The following EPHA6 variants were observed in gnomAD, a reference collection of about 807,000 sequenced individuals.
The protein encoded by EPHA6 is ephrin type-A receptor 6.
Under a neutral mutation model 112.0 loss-of-function variants are expected in EPHA6, and 50 were observed. The observed-to-expected ratio is 0.45, with a 90% confidence interval of 0.36 to 0.56. The LOEUF (loss-of-function observed/expected upper bound fraction) is 0.56, where lower values mean the gene tolerates loss of function less well. Ranked by LOEUF, EPHA6 falls within the 20% of genes least tolerant of loss-of-function variation. The pLI is 0.00. For synonymous variants in EPHA6, 529 were observed against 490.7 expected (o/e 1.08, Z -1.03); for missense variants, 1,280 against 1,417.4 (o/e 0.90, Z 1.56).
At chr3:97,221,207 G>A (rs1215827715) in intron 3 of EPHA6, among the ~76,000 whole-genome samples, 1 of 150,356 alleles carries the variant, frequency 6.7e-6, no homozygotes, top group Non-Finnish European at 1.5e-5. Flanking sequence ...CAACTCGGGA[G>A]GCTGAGACAG....
At chr3:96,925,686 A>G (rs2039999447) in intron 2 of EPHA6, among the ~76,000 whole-genome samples, 1 of 151,116 alleles carries the variant, frequency 6.6e-6, no homozygotes, top group African/African-American at 2.4e-5. Context: ...GCTCACTGCA[A>G]CTTCTGCCTC....
intron 13 of EPHA6, among the ~76,000 whole-genome samples, chr3:97,628,299 G>C (rs1017675152): frequency 6.6e-6 from 1 of 151,880 alleles, no homozygotes; most frequent in Non-Finnish European, 1.5e-5. Context: ...AAAAGAAAGA[G>C]AAAATCAAGG....
intron 4 of EPHA6, among the ~76,000 whole-genome samples, chr3:97,227,338 A>T (rs576841545): frequency 6.6e-6 from 1 of 151,658 alleles, no homozygotes; most frequent in East Asian, 2.0e-4. Flanking sequence ...CTCCTGCCTC[A>T]GCTTCCTGAG....
rs181799935 is a variant in EPHA6 at position 97,146,299 on chromosome 3, A to G, written c.1115-79965A>G. ...TTTTCTCTGTAGTTTACCTGCACTC[A>G]TTAATTAAATGTGAATGTTTCTGAG... is the stretch of plus-strand genomic sequence containing the variant. On this transcript the variant is annotated intron_variant, in intron 3 of 17. Transcript: ENST00000389672. 4.6e-5 allele frequency among the ~76,000 whole-genome samples: 7 copies of G among 151,926 alleles called. No homozygotes were observed. In the East Asian group the frequency reaches 1.2e-3, roughly 25 times the overall value.
At chr3:97,583,407 T>G (rs2093458191) in intron 11 of EPHA6, among the ~76,000 whole-genome samples, 1 of 151,410 alleles carries the variant, frequency 6.6e-6, no homozygotes, top group Non-Finnish European at 1.5e-5. Flanking sequence ...AGCGTGGTGG[T>G]GGGCGCCTGT....
At chr3:96,902,874 T>A (rs1255058158) in intron 2 of EPHA6, among the ~76,000 whole-genome samples, 1 of 152,144 alleles carries the variant, frequency 6.6e-6, no homozygotes, top group East Asian at 1.9e-4. Flanking sequence ...ATTGAGTATT[T>A]ACAGTGTGCT....
chr3:97,409,689 T>C (rs2087584065), intron 6 of EPHA6, among the ~76,000 whole-genome samples: 1 of 152,076 alleles, frequency 6.6e-6, no homozygotes, highest in Non-Finnish European at 1.5e-5. Flanking sequence ...AATTATCAAC[T>C]GGTAGCTCAT....
intron 3 of EPHA6, among the ~76,000 whole-genome samples, chr3:97,003,106 C>A (rs1045397504): frequency 1.3e-5 from 2 of 151,710 alleles, no homozygotes; most frequent in African/African-American, 4.8e-5. Flanking sequence ...ATTGCAATTT[C>A]TTTTCTTTTT....
chr3:97,208,015 A>G (rs190521426), intron 3 of EPHA6, among the ~76,000 whole-genome samples: 101 of 152,260 alleles, frequency 6.6e-4, no homozygotes, highest in Admixed American at 2.0e-3. Context: ...CAGACCCATC[A>G]CATCTGTAAA....
chr3:97,698,804 A>G (rs1405981056), intron 14 of EPHA6, among the ~76,000 whole-genome samples: 2 of 152,192 alleles, frequency 1.3e-5, no homozygotes, highest in Non-Finnish European at 2.9e-5. Flanking sequence ...ATTAACCATA[A>G]GTAAACTGAG....
At chr3:97,038,273 T>C (rs539691335) in intron 3 of EPHA6, among the ~76,000 whole-genome samples, 72 of 151,968 alleles carry the variant, frequency 4.7e-4, no homozygotes, top group Middle Eastern at 3.4e-3. Flanking sequence ...TCACAGTGTT[T>C]GTTGTTGCAG....
intron 3 of EPHA6, among the ~76,000 whole-genome samples, chr3:97,001,435 T>G: frequency 6.6e-6 from 1 of 151,896 alleles, no homozygotes; most frequent in East Asian, 1.9e-4. Context: ...TTACAAAAAT[T>G]TAAGAAATTA....
intron 3 of EPHA6, among the ~76,000 whole-genome samples, chr3:97,075,006 G>GTC (rs1403709105): frequency 6.6e-6 from 1 of 151,942 alleles, no homozygotes; most frequent in Non-Finnish European, 1.5e-5. Flanking sequence ...GTAGAATAGT[G>GTC]TCTGCTTTTC....
intron 11 of EPHA6, among the ~76,000 whole-genome samples, chr3:97,540,913 G>A (rs1324020235): frequency 2.0e-5 from 3 of 152,116 alleles, no homozygotes; most frequent in Non-Finnish European, 4.4e-5. Context: ...AAATTGGGAA[G>A]GGCTGTAGAT....
chr3:97,012,665 G>A (rs1162236379), intron 3 of EPHA6, among the ~76,000 whole-genome samples: 2 of 135,618 alleles, frequency 1.5e-5, no homozygotes, highest in African/African-American at 2.8e-5. Context: ...TTGTCTTGTT[G>A]CCCAGGCTTG....
chr3:96,860,125 A>G (rs1439661249), intron 1 of EPHA6, among the ~76,000 whole-genome samples: 1 of 152,130 alleles, frequency 6.6e-6, no homozygotes, highest in African/African-American at 2.4e-5. Context: ...TTGTTGAAAT[A>G]ACATCAAAAT....
chr3:97,290,755 T>C (rs1156276985), intron 5 of EPHA6, among the ~76,000 whole-genome samples: 8 of 152,148 alleles, frequency 5.3e-5, no homozygotes. Context: ...ATTCTAGTTT[T>C]TGGGGTCCTT....
At chr3:96,963,124 T>C (rs528789368) in intron 2 of EPHA6, among the ~76,000 whole-genome samples, 1 of 146,016 alleles carries the variant, frequency 6.8e-6, no homozygotes, top group Non-Finnish European at 1.5e-5. Flanking sequence ...ATAGTGCCAT[T>C]GCACTCCAGC....
At chr3:96,872,034 G>A (rs1249603818) in intron 2 of EPHA6, among the ~76,000 whole-genome samples, 2 of 152,186 alleles carry the variant, frequency 1.3e-5, no homozygotes, top group Middle Eastern at 3.4e-3. Context: ...ACTTGGAAGC[G>A]ATAGATAAGC....
Sources: gnomAD v4.1 joint callset for allele counts (sites outside exome capture counted in the v4.1 genomes callset) on GRCh38, gnomAD v4.1.1 for gene constraint, MANE v1.5 for transcripts, NCBI Gene and HGNC (gene_info 2026-07-23, HGNC 2026-07-21) for gene names.